Variants in RELN observed in about 807,000 individuals in gnomAD.
RELN encodes the protein reelin.
RELN carries 108 observed loss-of-function variants against 427.6 expected under a neutral mutation model. The ratio of observed to expected loss-of-function variants is 0.25; its 90% CI spans 0.22 to 0.30. The LOEUF (loss-of-function observed/expected upper bound fraction) is 0.30. Among genes scored for constraint, RELN ranks in the 10% least tolerant of loss-of-function variants. The pLI, the probability that RELN is intolerant of heterozygous loss-of-function variation, is 1.00. For synonymous variants in RELN, 1,524 were observed against 1,513.4 expected (o/e 1.01, Z -0.16); for missense variants, 3,715 against 4,302.8 (o/e 0.86, Z 3.82).
chr7:103,773,737 T>C (rs1791666155), intron 4 of RELN, among the ~76,000 whole-genome samples: 1 of 151,998 alleles, frequency 6.6e-6, no homozygotes, highest in African/African-American at 2.4e-5. Context: ...CCCAAAGTGC[T>C]GGGATTACAG....
At chr7:103,905,401 T>A (rs889014606) in intron 2 of RELN, among the ~76,000 whole-genome samples, 1 of 152,214 alleles carries the variant, frequency 6.6e-6, no homozygotes, top group Non-Finnish European at 1.5e-5. Flanking sequence ...CCCCAGGACC[T>A]CTTTTCATAA....
intron 4 of RELN, among the ~76,000 whole-genome samples, chr7:103,756,891 G>A (rs1562994408): frequency 6.6e-6 from 1 of 152,186 alleles, no homozygotes; most frequent in African/African-American, 2.4e-5. Flanking sequence ...TCACGCATAT[G>A]TGGCATAAAA....
rs202202524 is a variant in RELN, at chr7:103,574,334, G to C, written c.4304-35C>G. 10 of 1,574,514 alleles carry C rather than the reference G, an allele frequency of 6.4e-6. No homozygotes were observed. The East Asian group carries it at 1.6e-4, about 25-fold the overall frequency. On this transcript the variant is annotated intron_variant, in intron 29 of 64. Transcript: ENST00000428762. ...AAGAAATAGAGAGGAGAGATGCTTT[G>C]TTGGAATCATTCAAAACGAGGTCTA...
rs549360134 is a variant in RELN at position 103,594,362 on chromosome 7, G to C, written c.3670C>G (p.Gln1224Glu). 80 of 1,613,966 alleles carry C rather than the reference G, an allele frequency of 5.0e-5. No homozygotes were observed. The South Asian group carries it at 7.9e-4, about 16-fold the overall frequency. ...TTGATAACTGGGATGATCTGCTTCTGCTTCTCGGACAGAATGATGATGTCA... is the reference window on the plus strand; with the variant it reads ...TTGATAACTGGGATGATCTGCTTCTCCTTCTCGGACAGAATGATGATGTCA... ...VDDIIILSEK[Q>E]KQIIPVINPT... Residue 1224 changes from glutamine to glutamate, a missense_variant, in exon 26 of 65, where the codon CAG becomes GAG. Physicochemically the swap from Gln to Glu is conservative, Grantham distance 29. This residue lies in a region of RELN where 2,208 missense variants were observed against 2,361.7 expected (regional missense o/e 0.93). Coordinates refer to ENST00000428762, the MANE Select transcript of RELN (RefSeq NM_005045.4).
At chr7:103,502,749 C>T (rs1829076948) in intron 52 of RELN, among the ~76,000 whole-genome samples, 1 of 152,152 alleles carries the variant, frequency 6.6e-6, no homozygotes, top group South Asian at 2.1e-4. Context: ...ATCACTATTG[C>T]TCTGTTCCCA....
Position 103,545,552 on chromosome 7 carries a change from G to A in RELN, c.6303-208C>T, listed in dbSNP as rs362764. 0.27 allele frequency among the ~76,000 whole-genome samples: 40,820 copies of A among 152,014 alleles called. 7,660 individuals are homozygous for A. The highest frequency in any genetic ancestry group is 0.53 in the African/African-American group (21,977 of 41,432). On this transcript the variant is annotated intron_variant, in intron 41 of 64. Coordinates refer to ENST00000428762, the MANE Select transcript of RELN (RefSeq NM_005045.4). ...TTCTTGTTTCTTGTAAGCTTTTCCT[G>A]ATCCTATCAGAATGTCAATGTTTCA...
In RELN at chr7:103,661,497, T is replaced by C. The variant is rs376968265; in HGVS notation, c.1320A>G (p.Thr440=). ...GWDVLGAVIG[T]ECGTIESGLS... is the part of the protein sequence containing the mutation. ...AGCCTGATTCTATCGTTCCACATTC[T>C]GTACCAATGACAGCTCCCAAGACAT... is the stretch of plus-strand genomic sequence containing the variant. The change falls in exon 12 of 65, where the codon ACA becomes ACG. Residue 440 remains threonine (T), a synonymous_variant. Coordinates refer to ENST00000428762, the MANE Select transcript of RELN (RefSeq NM_005045.4). 7 of 1,613,672 alleles carry C rather than the reference T, an allele frequency of 4.3e-6. No individual in the cohort carries two copies. The African/African-American group carries it at 9.3e-5, about 22-fold the overall frequency.
chr7:103,644,309 T>A (rs186318295), intron 16 of RELN, among the ~76,000 whole-genome samples: 4 of 151,032 alleles, frequency 2.6e-5, no homozygotes. Flanking sequence ...TTTTAAATAA[T>A]CTCAATGAGA....
At chr7:103,905,823 A>T (rs1244313706) in intron 2 of RELN, among the ~76,000 whole-genome samples, 1 of 152,166 alleles carries the variant, frequency 6.6e-6, no homozygotes, top group Non-Finnish European at 1.5e-5. Flanking sequence ...GTCCGAGAAG[A>T]CGGAGAAGCA....
At chr7:103,536,801 A>C (rs962626702) in intron 45 of RELN, among the ~76,000 whole-genome samples, 1 of 152,162 alleles carries the variant, frequency 6.6e-6, no homozygotes, top group Non-Finnish European at 1.5e-5. Flanking sequence ...TACACTCTTG[A>C]TTCAGTGATC....
At chr7:103,799,550 A>G (rs925251087) in intron 3 of RELN, among the ~76,000 whole-genome samples, 1 of 152,136 alleles carries the variant, frequency 6.6e-6, no homozygotes, top group Non-Finnish European at 1.5e-5. Flanking sequence ...GTCTGGGGGA[A>G]TCCTCTTTCC....
intron 19 of RELN, among the ~76,000 whole-genome samples, chr7:103,631,286 C>CTTTTTT (rs545808640): frequency 0.013 from 973 of 77,756 alleles, 119 homozygotes; most frequent in Middle Eastern, 0.022. Flanking sequence ...AAAAACACTT[C>CTTTTTT]TTTTTTTTTT....
Position 103,659,418 on chromosome 7 carries a change from A to G in RELN, c.1441+1958T>C, listed in dbSNP as rs115217823. ...TAAAGAAAACACTATTCTGGTTCCAATTTGCTTTTCTAGTTCCATCTTACG... is the reference window on the plus strand; with the variant it reads ...TAAAGAAAACACTATTCTGGTTCCAGTTTGCTTTTCTAGTTCCATCTTACG... On this transcript the variant is annotated intron_variant, in intron 12 of 64. Coordinates refer to ENST00000428762, the MANE Select transcript of RELN (RefSeq NM_005045.4). Among the ~76,000 whole-genome samples the G allele has an allele frequency of 4.6e-3, 699 of 152,232 alleles. 9 individuals are homozygous for G. The highest frequency in any genetic ancestry group is 0.016 in the African/African-American group (667 of 41,546).
intron 10 of RELN, among the ~76,000 whole-genome samples, chr7:103,694,572 A>C (rs1833938162): frequency 6.6e-6 from 1 of 152,074 alleles, no homozygotes; most frequent in Admixed American, 6.6e-5. Flanking sequence ...GTAAGTGTTC[A>C]ATAAAAAGTA....
At chr7:103,805,437 C>T (rs1008396892) in intron 3 of RELN, among the ~76,000 whole-genome samples, 2 of 152,000 alleles carry the variant, frequency 1.3e-5, no homozygotes, top group African/African-American at 4.8e-5. Flanking sequence ...TATGTGTTGC[C>T]AACTTTCAGA....
At chr7:103,631,787 CTACA>C (rs1832472935) in intron 19 of RELN, among the ~76,000 whole-genome samples, 1 of 151,736 alleles carries the variant, frequency 6.6e-6, no homozygotes. Context: ...ATTTATAAAA[CTACA>C]TAATATATAG....
At chr7:103,709,806 A>C (rs1436489985) in intron 8 of RELN, among the ~76,000 whole-genome samples, 1 of 152,250 alleles carries the variant, frequency 6.6e-6, no homozygotes. Context: ...ACATTAAATA[A>C]AAAATATTGT....
chr7:103,724,303 A>G (rs112811810), intron 7 of RELN, among the ~76,000 whole-genome samples: 39 of 152,168 alleles, frequency 2.6e-4, no homozygotes, highest in African/African-American at 8.7e-4. Context: ...AGAGTCCACA[A>G]TTGCAGAAGG....
chr7:103,833,494 G>A (rs1233557732), intron 3 of RELN, 43 bp downstream of exon 3: 1 of 1,560,226 alleles, frequency 6.4e-7, no homozygotes, highest in East Asian at 2.2e-5. Context: ...GAAGTCCTAA[G>A]TATTTGCCTT....
Sources: gnomAD v4.1 joint callset for allele counts (sites outside exome capture counted in the v4.1 genomes callset) on GRCh38, gnomAD v4.1.1 for gene constraint, gnomAD v4.1.1 regional missense constraint, MANE v1.5 for transcripts, NCBI Gene and HGNC (gene_info 2026-07-23, HGNC 2026-07-21) for gene names.